Variants in STK3 observed in about 807,000 individuals in gnomAD.
STK3 encodes serine/threonine kinase 3, also known as serine/threonine-protein kinase 3.
A neutral mutation model predicts 58.0 loss-of-function variants in STK3; 41 were observed. That is an observed-to-expected ratio of 0.71 (90% CI 0.55 to 0.92). STK3 has a LOEUF of 0.92. STK3 is among the 40% of genes least tolerant of loss of function. The pLI, the probability that STK3 is intolerant of heterozygous loss-of-function variation, is 0.00. For missense variants in STK3, 479 were observed against 602.7 expected, an observed-to-expected ratio of 0.79 and a Z score of 2.15; for synonymous variants, 170 against 191.0, an observed-to-expected ratio of 0.89 and a Z score of 0.91.
chr8:98,507,357 T>G (rs1449036318), intron 10 of STK3, among the ~76,000 whole-genome samples: 1 of 152,314 alleles, frequency 6.6e-6, no homozygotes, highest in South Asian at 2.1e-4. Flanking sequence ...CAAAAAACCT[T>G]GGAATTATCC....
chr8:98,383,091 C>T (rs1435198530), intron 1 of STK3, among the ~76,000 whole-genome samples: 2 of 152,126 alleles, frequency 1.3e-5, no homozygotes, highest in Non-Finnish European at 2.9e-5. Context: ...TTCTTACTTG[C>T]TTCGAAGGGT....
At chr8:98,444,030 C>T (rs985772834) in intron 1 of STK3, among the ~76,000 whole-genome samples, 4 of 152,276 alleles carry the variant, frequency 2.6e-5, no homozygotes, top group South Asian at 2.1e-4. Context: ...ATTTGACAAA[C>T]GTTTATTCAG....
intron 6 of STK3, among the ~76,000 whole-genome samples, chr8:98,672,715 A>G (rs1822919382): frequency 6.6e-6 from 1 of 152,236 alleles, no homozygotes. Context: ...CATATAATTT[A>G]AGAGTAAAGG....
At chr8:98,457,819 T>A (rs1260839202) in intron 10 of STK3, among the ~76,000 whole-genome samples, 1 of 152,210 alleles carries the variant, frequency 6.6e-6, no homozygotes, top group Non-Finnish European at 1.5e-5. Context: ...GATATTCCTG[T>A]AAATATCTTG....
intron 1 of STK3, among the ~76,000 whole-genome samples, chr8:98,891,190 A>G (rs568662200): frequency 2.8e-4 from 43 of 152,360 alleles, no homozygotes; most frequent in African/African-American, 9.4e-4. Context: ...TCAGCACCGC[A>G]TGGTGCAGCT....
chr8:98,754,290 AGGTAT>A (rs1274279618), intron 3 of STK3, among the ~76,000 whole-genome samples: 1 of 152,154 alleles, frequency 6.6e-6, no homozygotes, highest in East Asian at 1.9e-4. Flanking sequence ...TACTCCTTTA[AGGTAT>A]GGCGCCTATG....
downstream of STK3, among the ~76,000 whole-genome samples, chr8:98,367,700 G>C (rs183839217): frequency 2.0e-5 from 3 of 152,302 alleles, no homozygotes; most frequent in African/African-American, 7.2e-5. Context: ...TGTCAACAAG[G>C]CAACTGTAGA....
At chr8:98,757,937 T>C (rs925122275) in intron 3 of STK3, among the ~76,000 whole-genome samples, 10 of 152,234 alleles carry the variant, frequency 6.6e-5, no homozygotes, top group Non-Finnish European at 1.5e-4. Flanking sequence ...ATGTTGTTCA[T>C]TCTAGCCAGC....
intron 10 of STK3, among the ~76,000 whole-genome samples, chr8:98,472,667 T>C (rs1349703837): frequency 6.6e-6 from 1 of 152,184 alleles, no homozygotes; most frequent in African/African-American, 2.4e-5. Context: ...ATCTAAGATG[T>C]TCCAAATGAC....
At chr8:98,442,230 C>G (rs1051874545) in intron 1 of STK3, among the ~76,000 whole-genome samples, 12 of 152,222 alleles carry the variant, frequency 7.9e-5, no homozygotes, top group Admixed American at 7.8e-4. Context: ...CAGCCCCTCT[C>G]CCTGAACTAG....
chr8:98,473,701 C>T (rs184032863), intron 10 of STK3, among the ~76,000 whole-genome samples: 140 of 152,252 alleles, frequency 9.2e-4, no homozygotes, highest in Non-Finnish European at 1.5e-3. Context: ...TTTGTCCACA[C>T]CTTTCCTTCT....
intron 3 of STK3, among the ~76,000 whole-genome samples, chr8:98,764,649 G>A (rs1205494539): frequency 2.0e-5 from 3 of 152,156 alleles, no homozygotes; most frequent in Non-Finnish European, 4.4e-5. Flanking sequence ...AATTCCCTCT[G>A]GATAGTCTAG....
chr8:98,623,770 C>T (rs1429910710), intron 6 of STK3, among the ~76,000 whole-genome samples: 1 of 152,110 alleles, frequency 6.6e-6, no homozygotes, highest in Non-Finnish European at 1.5e-5. Context: ...GGAGACAGAG[C>T]AAGACCCTGC....
At chr8:98,429,914 C>G (rs933170654) in intron 3 of STK3, 1 of 168,122 alleles carries the variant, frequency 5.9e-6, no homozygotes, top group African/African-American at 2.4e-5. Flanking sequence ...TTATCCATTG[C>G]TTTCACTTAG....
the STK3 span, among the ~76,000 whole-genome samples, chr8:98,347,655 T>C: frequency 6.6e-6 from 1 of 152,044 alleles, no homozygotes; most frequent in Non-Finnish European, 1.5e-5. Flanking sequence ...ATATCAACAA[T>C]ACATTAAATA....
Position 98,610,159 on chromosome 8 carries a change from G to A in STK3, c.685-13990C>T, listed in dbSNP as rs957292316. 2.0e-4 allele frequency among the ~76,000 whole-genome samples: 30 copies of A among 146,674 alleles called. 1 individual carries two copies. The highest frequency in any genetic ancestry group is 7.3e-4 in the African/African-American group (29 of 39,598). ...GAAGAACCAATACCCCCATCCAAAGGAACTATCTGGAATGTACCAAAATGT... is the reference window on the plus strand; with the variant it reads ...GAAGAACCAATACCCCCATCCAAAGAAACTATCTGGAATGTACCAAAATGT... On this transcript the variant is annotated intron_variant, in intron 6 of 10. Coordinates refer to ENST00000419617, the MANE Select transcript of STK3 (RefSeq NM_006281.4).
intron 4 of STK3, among the ~76,000 whole-genome samples, chr8:98,744,720 C>G (rs996259880): frequency 7.2e-5 from 11 of 151,782 alleles, no homozygotes; most frequent in Non-Finnish European, 1.2e-4. Flanking sequence ...TACCCTAAAA[C>G]TTAAAGTATA....
intron 4 of STK3, among the ~76,000 whole-genome samples, chr8:98,741,814 C>A (rs984316179): frequency 6.6e-6 from 1 of 152,006 alleles, no homozygotes; most frequent in Non-Finnish European, 1.5e-5. Context: ...TTGAAAGGAT[C>A]ATCAAAATTG....
At position 98,707,216 on chromosome 8, in the gene STK3, AG is replaced by A; in HGVS notation, c.446del (p.Ala149ValfsTer23). The stretch of plus-strand genomic sequence containing the variant: ...CTTCTGTATTGAGGAGAATATTTCC[AG>A]CTTTTATATCTCTGTGTATTTTTCT... ...FMRKIHRDIK[A>X]GNILLNTEGH... On this transcript the variant is annotated frameshift_variant, in exon 5 of 11. Transcript: ENST00000419617. LOFTEE classifies it high-confidence loss of function. 1 of 1,612,104 alleles carries A rather than the reference AG, an allele frequency of 6.2e-7. No individual in the cohort carries two copies. The highest frequency in any genetic ancestry group is 8.5e-7 in the Non-Finnish European group (1 of 1,179,294).
Sources: gnomAD v4.1 joint callset for allele counts (sites outside exome capture counted in the v4.1 genomes callset) on GRCh38, gnomAD v4.1.1 for gene constraint, MANE v1.5 for transcripts, NCBI Gene and HGNC (gene_info 2026-07-23, HGNC 2026-07-21) for gene names.